SCNM1: variants seen among roughly 807,000 people sequenced by gnomAD.
SCNM1 encodes sodium channel modifier 1.
SCNM1 carries 24 observed loss-of-function variants against 32.8 expected under a neutral mutation model. That is an observed-to-expected ratio of 0.73 (90% CI 0.53 to 1.03). The LOEUF is 1.03. Ranked by LOEUF, SCNM1 falls within the 50% of genes least tolerant of loss-of-function variation. The pLI is 0.00. For missense variants in SCNM1, 274 were observed against 282.3 expected (o/e 0.97, Z 0.21); for synonymous variants, 99 against 103.2 (o/e 0.96, Z 0.25).
At chr1:151,166,633 G>C in intron 2 of SCNM1, 92 bp downstream of exon 2, 1 of 1,528,116 alleles carries the variant, frequency 6.5e-7, no homozygotes, top group South Asian at 1.2e-5. Context: ...GAGGTCTCGC[G>C]GTGCTGCCCA....
Position 151,166,145 on chromosome 1 carries a change from C to G in SCNM1, c.-8C>G. On this transcript the variant is annotated 5_prime_UTR_variant, in exon 1 of 7. Coordinates refer to ENST00000368905, the MANE Select transcript of SCNM1 (RefSeq NM_024041.4). ...GAGAATTTATCACTTCTGGGACTCA[C>G]AGTCGTGATGTCTTTCAAGAGGGAA... 1 of 1,597,304 alleles carries G rather than the reference C, an allele frequency of 6.3e-7. No homozygotes were observed. The highest frequency in any genetic ancestry group is 8.6e-7 in the Non-Finnish European group (1 of 1,168,152).
At position 151,170,250 on chromosome 1, in the gene SCNM1, A is replaced by C. The variant is rs1457781167; in HGVS notation, c.*1165A>C. The C allele has an allele frequency of 1.0e-6, 1 of 960,726 alleles. No individual in the cohort carries two copies. The allele number at this position is 960,726 out of a possible 1,614,324, so 59.5% of individuals were successfully genotyped here. A position where few individuals can be genotyped will look rare whatever the true frequency, so the allele number is the denominator to read the frequency against. On this transcript the variant is annotated 3_prime_UTR_variant, in exon 7 of 7. Transcript: ENST00000368905. ...CAGGCCCATCCCACATTAACAAAAC[A>C]AAACAAGAAACCACACCACAAATAA...
At position 151,167,120 on chromosome 1, in the gene SCNM1, G is replaced by A. The variant is rs752698697; in HGVS notation, c.212-1G>A. On this transcript the variant is annotated splice_acceptor_variant, in intron 3 of 6. Transcript: ENST00000368905. LOFTEE classifies it high-confidence loss of function. ...TTAATTCTGTTTCCCTTTCTCCTCA[G>A]GCTTGCAGCTTTTCTATGGCAAGAA... 5.6e-6 allele frequency: 9 copies of A among 1,614,038 alleles called. No individual in the cohort carries two copies. The Admixed American group carries it at 1.0e-4, about 18-fold the overall frequency.
intron 1 of SCNM1, 50 bp downstream of exon 1, chr1:151,166,253 G>T (rs1254095471): frequency 1.9e-6 from 3 of 1,563,672 alleles, no homozygotes; most frequent in Admixed American, 1.9e-5. Flanking sequence ...CTCCCTGAAG[G>T]TTGGGAAGGA....
Position 151,169,855 on chromosome 1 carries a change from C to G in SCNM1, c.*770C>G. 1.8e-6 allele frequency: 1 copy of G among 561,532 alleles called. No individual in the cohort carries two copies. The highest frequency in any genetic ancestry group is 4.9e-4 in the Middle Eastern group (1 of 2,060). The allele number at this position is 561,532 out of a possible 1,614,324, so 34.8% of individuals were successfully genotyped here. ...ACCAAGGGAGGGAACACCCCCACCTCCTCCTAGTAACCTGAACCTCCCTGC... is the reference window on the plus strand; with the variant it reads ...ACCAAGGGAGGGAACACCCCCACCTGCTCCTAGTAACCTGAACCTCCCTGC... On this transcript the variant is annotated 3_prime_UTR_variant, in exon 7 of 7. Transcript: ENST00000368905.
In SCNM1 at chr1:151,166,191, C is replaced by G. The variant is rs781637566; in HGVS notation, c.39C>G (p.Leu13=). 8.7e-6 allele frequency: 14 copies of G among 1,603,176 alleles called. No individual in the cohort carries two copies. The Admixed American group carries it at 1.5e-4, about 18-fold the overall frequency. The part of the protein sequence containing the change: ...FKREGDDWSQ[L]NVLKKRRVGD... ...GGGAAGGAGACGATTGGAGTCAACT[C>G]AATGTGCTCAAAGTAAGCGTGAGCG... Residue 13 remains leucine (L), a synonymous_variant, in exon 1 of 7, where the codon CTC becomes CTG. Coordinates refer to ENST00000368905, the MANE Select transcript of SCNM1 (RefSeq NM_024041.4).
Position 151,169,192 on chromosome 1 carries a change from C to T in SCNM1, c.*107C>T. 8.5e-7 allele frequency: 1 copy of T among 1,173,118 alleles called. No individual in the cohort carries two copies. The highest frequency in any genetic ancestry group is 1.3e-5 in the South Asian group (1 of 74,510). 72.7% of individuals were successfully genotyped at this position (1,173,118 alleles called of 1,614,324 possible). ...TCTCAGGATTTCAGATCTGTTCATT[C>T]TCATTCCAACTACTCCTTGCCTGCA... On this transcript the variant is annotated 3_prime_UTR_variant, in exon 7 of 7. Transcript: ENST00000368905.
Position 151,169,142 on chromosome 1 carries a change from T to C in SCNM1, c.*57T>C. On this transcript the variant is annotated 3_prime_UTR_variant, in exon 7 of 7. Coordinates refer to ENST00000368905, the MANE Select transcript of SCNM1 (RefSeq NM_024041.4). ...ACAATGGGTGCTGAGAACTTAACTTTCCTTAAGTCTGGTTCCTTGTTGGAT... is the reference window on the plus strand; with the variant it reads ...ACAATGGGTGCTGAGAACTTAACTTCCCTTAAGTCTGGTTCCTTGTTGGAT... 6.3e-7 allele frequency: 1 copy of C among 1,593,788 alleles called. No individual in the cohort carries two copies. The highest frequency in any genetic ancestry group is 1.7e-5 in the Admixed American group (1 of 59,794).
At position 151,169,314 on chromosome 1, in the gene SCNM1, G is replaced by A. The variant is rs954470806; in HGVS notation, c.*229G>A. The A allele has an allele frequency of 2.8e-5, 11 of 391,596 alleles. No individual in the cohort carries two copies. Among genetic ancestry groups the A allele is most frequent in the South Asian group, 7.6e-5 (2 of 26,230 alleles). 24.3% of individuals were successfully genotyped at this position (391,596 alleles called of 1,614,324 possible). On this transcript the variant is annotated 3_prime_UTR_variant, in exon 7 of 7. Transcript: ENST00000368905. ...GGCTGGAGTGCAGTGGCACGATCTC[G>A]GCTCACTGCAAGCTCTGCCTCCCAG...
Position 151,166,482 on chromosome 1 carries a change from C to T in SCNM1, c.63C>T (p.Val21=). 1 of 1,614,012 alleles carries T rather than the reference C, an allele frequency of 6.2e-7. No individual in the cohort carries two copies. Among genetic ancestry groups the T allele is most frequent in the Non-Finnish European group, 8.5e-7 (1 of 1,179,988 alleles). Residue 21 remains valine (V), a synonymous_variant, in exon 2 of 7, where the codon GTC becomes GTT. Coordinates refer to ENST00000368905, the MANE Select transcript of SCNM1 (RefSeq NM_024041.4). ...CCTACTCCCTGCAGAAAAGAAGAGT[C>T]GGGGACCTCCTAGCCAGTTACATTC... The part of the protein sequence containing the change: ...SQLNVLKKRR[V]GDLLASYIPE...
Position 151,169,060 on chromosome 1 carries a change from AACC to A in SCNM1, c.672_674del (p.Pro225del). ...GTTGAGTTTGACTCTGATGAGGAGG[AACC>A]ACCTGATCTCCCCTTGGACTGATAC... is the stretch of plus-strand genomic sequence containing the variant. On this transcript the variant is annotated inframe_deletion, in exon 7 of 7. Coordinates refer to ENST00000368905, the MANE Select transcript of SCNM1 (RefSeq NM_024041.4). 6.2e-7 allele frequency: 1 copy of A among 1,614,028 alleles called. No individual in the cohort carries two copies. Among genetic ancestry groups the A allele is most frequent in the African/African-American group, 1.3e-5 (1 of 75,008 alleles).
chr1:151,167,296 C>G, intron 4 of SCNM1, 30 bp from the exon 5 acceptor site: 1 of 1,614,042 alleles, frequency 6.2e-7, no homozygotes, highest in East Asian at 2.2e-5. Context: ...GGGCTGAAGG[C>G]TCTGACTCTG....
rs370617951 is a variant in SCNM1, at chr1:151,167,184, A to G, written c.275A>G (p.Gln92Arg). 1.9e-6 allele frequency: 3 copies of G among 1,614,132 alleles called. No homozygotes were observed. The highest frequency in any genetic ancestry group is 2.5e-6 in the Non-Finnish European group (3 of 1,180,052). The stretch of plus-strand genomic sequence containing the variant: ...GAAAGAAAGCAGAATCCAAAACATC[A>G]GAATGAATTGAGAAGGGAAGAAACC... The part of the protein sequence containing the change: ...GKERKQNPKH[Q>R]NELRREETKA... The change falls in exon 4 of 7, where the codon CAG becomes CGG. Residue 92 changes from glutamine (Q) to arginine (R), a missense_variant. Transcript: ENST00000368905.
Position 151,169,006 on chromosome 1 carries a change from G to A in SCNM1, c.614G>A (p.Gly205Glu). 1.2e-6 allele frequency: 2 copies of A among 1,613,864 alleles called. No homozygotes were observed. Among genetic ancestry groups the A allele is most frequent in the Non-Finnish European group, 1.7e-6 (2 of 1,179,960 alleles). The stretch of plus-strand genomic sequence containing the variant: ...TCCAGCTCTGGATGGATCCCAGATG[G>A]ACGAGGTCGATGGGTAAAAGATGAA... ...TLRSSGWIPD[G>E]RGRWVKDENV... Residue 205 changes from glycine to glutamate, a missense_variant, in exon 7 of 7, where the codon GGA becomes GAA. Transcript: ENST00000368905.
In SCNM1 at chr1:151,169,147, A is replaced by T; in HGVS notation, c.*62A>T. On this transcript the variant is annotated 3_prime_UTR_variant, in exon 7 of 7. Transcript: ENST00000368905. ...GGGTGCTGAGAACTTAACTTTCCTT[A>T]AGTCTGGTTCCTTGTTGGATCTCAG... 1 of 1,594,804 alleles carries T rather than the reference A, an allele frequency of 6.3e-7. No homozygotes were observed. Among genetic ancestry groups the T allele is most frequent in the South Asian group, 1.1e-5 (1 of 90,318 alleles).
chr1:151,167,667 A>C (rs890006152), intron 5 of SCNM1: 5 of 446,966 alleles, frequency 1.1e-5, no homozygotes, highest in Admixed American at 3.5e-5. Flanking sequence ...TCCTGTCTCT[A>C]CCAAAAATGT....
chr1:151,168,347 G>A lies in SCNM1; in HGVS notation c.593+9G>A, dbSNP rs780211781. 6.4e-7 allele frequency: 1 copy of A among 1,570,652 alleles called. No homozygotes were observed. Among genetic ancestry groups the A allele is most frequent in the Non-Finnish European group, 8.6e-7 (1 of 1,157,838 alleles). On this transcript the variant is annotated intron_variant, in intron 6 of 6. Coordinates refer to ENST00000368905, the MANE Select transcript of SCNM1 (RefSeq NM_024041.4). ...TATCTCACCCTTCGAAGGTGAGTAT[G>A]CCTAATCAGTTTCCTCAGATTTTCT...
rs1683856252 is a variant in SCNM1 at position 151,169,095 on chromosome 1, C to G, written c.*10C>G. ...TCTCCCCTTGGACTGATACCCTTTT[C>G]CCATTCATTCACAAATAAATTACAA... On this transcript the variant is annotated 3_prime_UTR_variant, in exon 7 of 7. Coordinates refer to ENST00000368905, the MANE Select transcript of SCNM1 (RefSeq NM_024041.4). 4 of 1,614,016 alleles carry G rather than the reference C, an allele frequency of 2.5e-6. No individual in the cohort carries two copies. Among genetic ancestry groups the G allele is most frequent in the Non-Finnish European group, 2.5e-6 (3 of 1,179,958 alleles).
chr1:151,168,964 C>T (rs768423994), intron 6 of SCNM1, 22 bp from the exon 7 acceptor site: 1 of 1,613,722 alleles, frequency 6.2e-7, no homozygotes, highest in East Asian at 2.2e-5. Context: ...CTGATCGATG[C>T]TATTTTCTCT....
Sources: gnomAD v4.1 joint callset for allele counts on GRCh38, gnomAD v4.1.1 for gene constraint, MANE v1.5 for transcripts, NCBI Gene and HGNC (gene_info 2026-07-23, HGNC 2026-07-21) for gene names.